NOS1AP: variants seen among roughly 807,000 people sequenced by gnomAD.
NOS1AP encodes nitric oxide synthase 1 adaptor protein.
In NOS1AP, 21 loss-of-function variants were observed where a neutral mutation model predicts 56.2. That is an observed-to-expected ratio of 0.37 (90% CI 0.26 to 0.54). The LOEUF is 0.54. NOS1AP is among the 20% of genes least tolerant of loss of function. NOS1AP has a pLI of 0.84. For synonymous variants in NOS1AP, 270 were observed against 274.6 expected, an observed-to-expected ratio of 0.98 and a Z score of 0.17; for missense variants, 522 against 657.8, an observed-to-expected ratio of 0.79 and a Z score of 2.26.
intron 2 of NOS1AP, among the ~76,000 whole-genome samples, chr1:162,200,735 T>TTAA (rs1338373992): frequency 1.3e-5 from 2 of 152,134 alleles, no homozygotes; most frequent in African/African-American, 2.4e-5. Context: ...TGTGGTGAAT[T>TTAA]TCATCTTTAC....
chr1:162,145,083 C>A (rs1649405845), intron 1 of NOS1AP, among the ~76,000 whole-genome samples: 1 of 152,180 alleles, frequency 6.6e-6, no homozygotes, highest in South Asian at 2.1e-4. Flanking sequence ...AGCTACTGAT[C>A]AATAGTGACA....
intron 2 of NOS1AP, among the ~76,000 whole-genome samples, chr1:162,247,669 C>A (rs10918974): frequency 0.22 from 33,561 of 151,758 alleles, 4,178 homozygotes; most frequent in East Asian, 0.52. Context: ...TGAAAACTTA[C>A]CTATGAAAAT....
intron 2 of NOS1AP, among the ~76,000 whole-genome samples, chr1:162,159,211 C>T (rs954937804): frequency 1.3e-5 from 2 of 152,130 alleles, no homozygotes; most frequent in Non-Finnish European, 2.9e-5. Context: ...GGGAAGGCAG[C>T]ACTATGTAGT....
intron 8 of NOS1AP, chr1:162,364,736 T>G: frequency 1.0e-6 from 1 of 987,046 alleles, no homozygotes; most frequent in Non-Finnish European, 1.2e-6. Context: ...TGAATCATGG[T>G]CCTAGATGTC....
chr1:162,196,349 T>C (rs1651805490), intron 2 of NOS1AP, among the ~76,000 whole-genome samples: 2 of 152,236 alleles, frequency 1.3e-5, no homozygotes, highest in South Asian at 4.1e-4. Flanking sequence ...GCTAGTTTGG[T>C]TGATACCACG....
intron 4 of NOS1AP, among the ~76,000 whole-genome samples, chr1:162,311,499 G>C (rs1219274062): frequency 1.3e-5 from 2 of 152,048 alleles, no homozygotes; most frequent in African/African-American, 4.8e-5. Context: ...AGGCATGGTG[G>C]CTCCAAGTTA....
At chr1:162,261,750 A>G (rs1009382258) in intron 2 of NOS1AP, among the ~76,000 whole-genome samples, 2 of 152,154 alleles carry the variant, frequency 1.3e-5, no homozygotes, top group Non-Finnish European at 2.9e-5. Flanking sequence ...CTTTCAGAGA[A>G]TAAGTTTGTG....
chr1:162,315,321 C>T (rs750720670), intron 4 of NOS1AP, among the ~76,000 whole-genome samples: 10 of 152,184 alleles, frequency 6.6e-5, no homozygotes, highest in Non-Finnish European at 1.3e-4. Context: ...GTAGTAGGAC[C>T]GTGTTGTAGC....
intron 2 of NOS1AP, among the ~76,000 whole-genome samples, chr1:162,190,298 C>T (rs1162626559): frequency 6.6e-6 from 1 of 152,102 alleles, no homozygotes; most frequent in African/African-American, 2.4e-5. Context: ...GCTGTCCTTC[C>T]CTGCTTGAAT....
chr1:162,115,424 A>G (rs1257723621), intron 1 of NOS1AP, among the ~76,000 whole-genome samples: 1 of 151,768 alleles, frequency 6.6e-6, no homozygotes, highest in Non-Finnish European at 1.5e-5. Context: ...GAAGGTAAGA[A>G]TCTGTGATGT....
At chr1:162,087,785 TGCACA>T (rs1692036975) in intron 1 of NOS1AP, among the ~76,000 whole-genome samples, 1 of 152,202 alleles carries the variant, frequency 6.6e-6, no homozygotes, top group Admixed American at 6.5e-5. Flanking sequence ...ACAGCCAGAC[TGCACA>T]GCATTCCACA....
chr1:162,090,941 T>A (rs1399070086), intron 1 of NOS1AP, among the ~76,000 whole-genome samples: 1 of 152,198 alleles, frequency 6.6e-6, no homozygotes, highest in African/African-American at 2.4e-5. Flanking sequence ...TGTTTATGGA[T>A]TTGACCTTGT....
chr1:162,354,000 A>G (rs1006580835), intron 6 of NOS1AP, among the ~76,000 whole-genome samples: 2 of 152,188 alleles, frequency 1.3e-5, no homozygotes, highest in East Asian at 3.9e-4. Flanking sequence ...CCTCCACAGG[A>G]CTGTCTCCTC....
chr1:162,302,788 T>C (rs1021689962), intron 4 of NOS1AP, among the ~76,000 whole-genome samples: 1 of 152,114 alleles, frequency 6.6e-6, no homozygotes, highest in African/African-American at 2.4e-5. Flanking sequence ...TTGTAACCCT[T>C]CTCTCCTCAT....
chr1:162,329,801 T>G (rs1192182843), intron 4 of NOS1AP, among the ~76,000 whole-genome samples: 2 of 152,246 alleles, frequency 1.3e-5, no homozygotes, highest in African/African-American at 4.8e-5. Context: ...ACTTTCTGCC[T>G]CTTGGTTATG....
intron 1 of NOS1AP, among the ~76,000 whole-genome samples, chr1:162,083,310 T>C (rs34578934): frequency 0.24 from 36,855 of 152,206 alleles, 5,227 homozygotes; most frequent in South Asian, 0.58. Flanking sequence ...GGAAGATTCA[T>C]GTCTCCTGTG....
intron 2 of NOS1AP, among the ~76,000 whole-genome samples, chr1:162,249,347 A>C (rs1462941588): frequency 1.3e-5 from 2 of 152,166 alleles, no homozygotes; most frequent in Non-Finnish European, 2.9e-5. Context: ...CTATGGATCA[A>C]AATAAAGCAA....
At chr1:162,099,879 G>A (rs9728868) in intron 1 of NOS1AP, among the ~76,000 whole-genome samples, 75,969 of 150,380 alleles carry the variant, frequency 0.51, 21,359 homozygotes, top group Non-Finnish European at 0.64. Context: ...GAGAACATGC[G>A]GTGTTTGGTT....
intron 2 of NOS1AP, among the ~76,000 whole-genome samples, chr1:162,243,596 C>T (rs1653566142): frequency 6.6e-6 from 1 of 152,208 alleles, no homozygotes; most frequent in South Asian, 2.1e-4. Flanking sequence ...GCCTTGCTCT[C>T]TTCTTAACCC....
Sources: allele counts gnomAD v4.1 joint callset (sites outside exome capture counted in the v4.1 genomes callset), GRCh38; gene constraint gnomAD v4.1.1; transcripts MANE v1.5; gene names NCBI Gene and HGNC (gene_info 2026-07-23, HGNC 2026-07-21).